The following WDFY2 variants were observed in gnomAD, a reference collection of about 807,000 sequenced individuals.
WDFY2 encodes the protein WD repeat and FYVE domain containing 2, also known as WD repeat and FYVE domain-containing protein 2.
A neutral mutation model predicts 56.4 loss-of-function variants in WDFY2; 36 were observed. The observed-to-expected ratio is 0.64, with a 90% CI of 0.49 to 0.84. The LOEUF (loss-of-function observed/expected upper bound fraction) is 0.84, where lower values mean the gene tolerates loss of function less well. Ranked by LOEUF, WDFY2 falls within the 40% of genes least tolerant of loss-of-function variation. WDFY2 has a pLI of 0.00. For missense variants in WDFY2, 444 were observed against 512.2 expected (o/e 0.87, Z 1.29); for synonymous variants, 176 against 183.7 (o/e 0.96, Z 0.34).
At chr13:51,699,391 C>T (rs532026607) in intron 3 of WDFY2, among the ~76,000 whole-genome samples, 1 of 152,284 alleles carries the variant, frequency 6.6e-6, no homozygotes, top group South Asian at 2.1e-4. Flanking sequence ...GAAACTCAGG[C>T]GAGCTTGGTA....
rs144118669 is a variant in WDFY2 at position 51,706,842 on chromosome 13, A to G, written c.334+3192A>G. ...TAAATTGTAAAACTAACAAGCAATC[A>G]ATCCACCATGAGTAAATATTAGCAG... On this transcript the variant is annotated intron_variant, in intron 4 of 11. Coordinates refer to ENST00000298125, the MANE Select transcript of WDFY2 (RefSeq NM_052950.4). 3.6e-3 allele frequency among the ~76,000 whole-genome samples: 550 copies of G among 152,322 alleles called. 1 individual carries two copies. The highest frequency in any genetic ancestry group is 0.013 in the African/African-American group (524 of 41,562).
chr13:51,586,173 AG>A (rs1383936971), intron 1 of WDFY2: 1 of 397,756 alleles, frequency 2.5e-6, no homozygotes, highest in Non-Finnish European at 4.4e-6. Flanking sequence ...TTTTCCATAA[AG>A]GCAAAATTTT....
intron 2 of WDFY2, among the ~76,000 whole-genome samples, chr13:51,667,509 T>A (rs1955727809): frequency 6.6e-6 from 1 of 152,198 alleles, no homozygotes; most frequent in Admixed American, 6.5e-5. Context: ...TGTGGGTATA[T>A]TAGTGGTATT....
chr13:51,637,383 ATTTTGT>A (rs1191882601), intron 1 of WDFY2, among the ~76,000 whole-genome samples: 2 of 151,934 alleles, frequency 1.3e-5, no homozygotes, highest in African/African-American at 2.4e-5. Context: ...CAAATTGTAG[ATTTTGT>A]TTTTGTTTGA....
intron 7 of WDFY2, among the ~76,000 whole-genome samples, chr13:51,745,957 TTTTC>T (rs1443508402): frequency 1.4e-4 from 20 of 138,628 alleles, no homozygotes; most frequent in African/African-American, 4.4e-4. Context: ...GGACTTTTCT[TTTTC>T]TTTTTCTTTT....
chr13:51,678,682 A>G (rs1955927228), intron 3 of WDFY2, among the ~76,000 whole-genome samples: 3 of 152,236 alleles, frequency 2.0e-5, no homozygotes, highest in Non-Finnish European at 4.4e-5. Flanking sequence ...TCAACTCTGT[A>G]CAAAAGATTA....
chr13:51,695,926 C>A (rs1951865111), intron 3 of WDFY2, among the ~76,000 whole-genome samples: 1 of 152,232 alleles, frequency 6.6e-6, no homozygotes. Context: ...GCAGTTTGAT[C>A]TCAGACTGCT....
Position 51,720,684 on chromosome 13 carries a change from T to G in WDFY2, c.485+1336T>G, listed in dbSNP as rs148978703. Among the ~76,000 whole-genome samples the G allele has an allele frequency of 1.2e-3, 180 of 152,246 alleles. 1 individual carries two copies. Among genetic ancestry groups the G allele is most frequent in the African/African-American group, 4.2e-3 (176 of 41,546 alleles). ...TTGGTGTCCTTTAAACAACAGAAAT[T>G]TATTGCTTACAATTCTGGAGGCTGG... is the stretch of plus-strand genomic sequence containing the variant. On this transcript the variant is annotated intron_variant, in intron 5 of 11. Coordinates refer to ENST00000298125, the MANE Select transcript of WDFY2 (RefSeq NM_052950.4).
chr13:51,679,925 T>TA (rs1436778404), intron 3 of WDFY2, among the ~76,000 whole-genome samples: 25 of 150,844 alleles, frequency 1.7e-4, no homozygotes, highest in East Asian at 9.7e-4. Context: ...TGGACTCCTT[T>TA]AAAAAAAAAC....
chr13:51,679,458 T>G (rs2138512973), intron 3 of WDFY2, among the ~76,000 whole-genome samples: 1 of 152,342 alleles, frequency 6.6e-6, no homozygotes, highest in East Asian at 1.9e-4. Context: ...CTCTGAAGAT[T>G]AATCTCGTGT....
intron 1 of WDFY2, among the ~76,000 whole-genome samples, chr13:51,606,578 A>G (rs1179504232): frequency 6.6e-6 from 1 of 152,192 alleles, no homozygotes; most frequent in Non-Finnish European, 1.5e-5. Context: ...TTATTAACAA[A>G]TATATTTTGT....
intron 1 of WDFY2, among the ~76,000 whole-genome samples, chr13:51,625,617 C>T (rs911944321): frequency 6.6e-6 from 1 of 152,188 alleles, no homozygotes; most frequent in Non-Finnish European, 1.5e-5. Flanking sequence ...CTCCTCAATT[C>T]AGAGGGTTTC....
intron 4 of WDFY2, among the ~76,000 whole-genome samples, chr13:51,711,077 G>C (rs1952203250): frequency 6.6e-6 from 1 of 152,170 alleles, no homozygotes; most frequent in Non-Finnish European, 1.5e-5. Context: ...CATGGTACTG[G>C]TACCAAAACA....
At chr13:51,642,190 A>G (rs1955180489) in intron 1 of WDFY2, among the ~76,000 whole-genome samples, 2 of 152,138 alleles carry the variant, frequency 1.3e-5, no homozygotes, top group Admixed American at 6.5e-5. Context: ...TGAATACCGT[A>G]TTCTATTAAG....
chr13:51,680,289 A>G (rs1955956069), intron 3 of WDFY2, among the ~76,000 whole-genome samples: 1 of 152,000 alleles, frequency 6.6e-6, no homozygotes, highest in African/African-American at 2.4e-5. Flanking sequence ...TTTTTCGTAG[A>G]TGGGGTCTCA....
intron 2 of WDFY2, among the ~76,000 whole-genome samples, chr13:51,665,446 G>A (rs1480127653): frequency 6.6e-6 from 1 of 152,198 alleles, no homozygotes; most frequent in Non-Finnish European, 1.5e-5. Context: ...AACCACCACA[G>A]TTGGATCACA....
At chr13:51,747,767 G>A (rs545102244) in intron 7 of WDFY2, among the ~76,000 whole-genome samples, 1 of 152,290 alleles carries the variant, frequency 6.6e-6, no homozygotes, top group African/African-American at 2.4e-5. Flanking sequence ...CTTGGCTCAA[G>A]CAGTCCTTCT....
intron 2 of WDFY2, among the ~76,000 whole-genome samples, chr13:51,670,489 G>GCGCGCACA (rs994843711): frequency 2.0e-4 from 26 of 131,498 alleles, no homozygotes; most frequent in African/African-American, 7.2e-4. Context: ...GTGCGCACAT[G>GCGCGCACA]CACACACACA....
intron 3 of WDFY2, among the ~76,000 whole-genome samples, chr13:51,700,691 C>A (rs897113533): frequency 9.9e-5 from 15 of 152,190 alleles, no homozygotes; most frequent in Non-Finnish European, 1.9e-4. Flanking sequence ...TATGGTCAGG[C>A]GTGGTGGCTC....
Sources: gnomAD v4.1 joint callset for allele counts (sites outside exome capture counted in the v4.1 genomes callset) on GRCh38, gnomAD v4.1.1 for gene constraint, MANE v1.5 for transcripts, NCBI Gene and HGNC (gene_info 2026-07-23, HGNC 2026-07-21) for gene names.